Variants in ANKH observed in about 807,000 individuals in gnomAD.
ANKH encodes the protein ANKH inorganic pyrophosphate transport regulator.
ANKH carries 15 observed loss-of-function variants against 49.0 expected under a neutral mutation model. The observed-to-expected ratio is 0.31, with a 90% CI of 0.20 to 0.47. The LOEUF (loss-of-function observed/expected upper bound fraction) is 0.47, where lower values mean the gene tolerates loss of function less well. ANKH is among the 20% of genes least tolerant of loss of function. The pLI, the probability that ANKH is intolerant of heterozygous loss-of-function variation, is 1.00. For synonymous variants in ANKH, 273 were observed against 260.0 expected, an observed-to-expected ratio of 1.05 and a Z score of -0.48; for missense variants, 429 against 652.0, an observed-to-expected ratio of 0.66 and a Z score of 3.72.
rs188165497 is a variant in ANKH, at chr5:14,810,592, C to G, written c.97-41401G>C. On this transcript the variant is annotated intron_variant, in intron 1 of 11. Transcript: ENST00000284268. ...AGTTTAAAGTACCCAAGTGACATGACTAATTACAGTAACCATGAATTCAGT... is the reference window on the plus strand; with the variant it reads ...AGTTTAAAGTACCCAAGTGACATGAGTAATTACAGTAACCATGAATTCAGT... 3.4e-3 allele frequency among the ~76,000 whole-genome samples: 524 copies of G among 152,314 alleles called. 6 individuals are homozygous for G. Among genetic ancestry groups the G allele is most frequent in the African/African-American group, 0.012 (504 of 41,580 alleles).
chr5:14,860,063 C>T (rs1012509926), intron 1 of ANKH, among the ~76,000 whole-genome samples: 1 of 152,176 alleles, frequency 6.6e-6, no homozygotes, highest in South Asian at 2.1e-4. Context: ...GGAGACAGCC[C>T]AATAGGCATG....
intron 1 of ANKH, among the ~76,000 whole-genome samples, chr5:14,823,608 C>A (rs755380257): frequency 6.6e-6 from 1 of 152,178 alleles, no homozygotes; most frequent in Non-Finnish European, 1.5e-5. Flanking sequence ...CAGCCTCTTA[C>A]GCATGAGAAG....
intron 2 of ANKH, chr5:14,768,637 T>G (rs1190267018): frequency 8.5e-6 from 3 of 351,154 alleles, no homozygotes; most frequent in Non-Finnish European, 1.1e-5. Context: ...TTCTTAAGAT[T>G]TAATGACCCA....
chr5:14,732,401 G>C lies in ANKH; in HGVS notation c.1011+9426C>G, dbSNP rs934291313. Among the ~76,000 whole-genome samples the C allele has an allele frequency of 5.3e-5, 8 of 152,128 alleles. 1 individual carries two copies. The East Asian group carries it at 1.4e-3, about 26-fold the overall frequency. On this transcript the variant is annotated intron_variant, in intron 8 of 11. Transcript: ENST00000284268. ...AGGTGTGTGTAAATCTACCGATCAA[G>C]AGACTGGCTTTTAAAAAAACAACAC...
At chr5:14,804,825 C>T (rs774497905) in intron 1 of ANKH, among the ~76,000 whole-genome samples, 8 of 152,160 alleles carry the variant, frequency 5.3e-5, no homozygotes, top group Non-Finnish European at 1.0e-4. Flanking sequence ...GGATTTGGTT[C>T]TTTCTCTGGC....
chr5:14,756,444 G>A (rs1738887475), intron 3 of ANKH, among the ~76,000 whole-genome samples: 1 of 152,186 alleles, frequency 6.6e-6, no homozygotes, highest in African/African-American at 2.4e-5. Context: ...TGGGAGATGA[G>A]GAGGAAGATG....
chr5:14,745,292 A>G lies in ANKH; in HGVS notation c.915+578T>C, dbSNP rs1738496172. Among the ~76,000 whole-genome samples the G allele has an allele frequency of 6.6e-6, 1 of 152,266 alleles. No homozygotes were observed. Among genetic ancestry groups the G allele is most frequent in the Non-Finnish European group, 1.5e-5 (1 of 68,038 alleles). ...GACTTTAATTGAATGACAGCAGGAC[A>G]GTGCTGACTGGGTCACAAGTTACAG... On this transcript the variant is annotated intron_variant, in intron 7 of 11. Coordinates refer to ENST00000284268, the MANE Select transcript of ANKH (RefSeq NM_054027.6). The surrounding 1 kb of genome is among the most constrained non-coding windows in gnomAD (Gnocchi z 4.7).
At chr5:14,744,224 G>T (rs980098303) in intron 7 of ANKH, among the ~76,000 whole-genome samples, 1 of 152,232 alleles carries the variant, frequency 6.6e-6, no homozygotes, top group Non-Finnish European at 1.5e-5. Flanking sequence ...TGTGAAGCAG[G>T]AACCAAAAGC....
At chr5:14,768,728 G>A (rs1392313546) in intron 2 of ANKH, 8 of 570,562 alleles carry the variant, frequency 1.4e-5, no homozygotes, top group South Asian at 4.1e-5. Flanking sequence ...AGATGTAATC[G>A]CCTACTAATG....
chr5:14,861,193 G>A (rs1023235879), intron 1 of ANKH, among the ~76,000 whole-genome samples: 2 of 152,122 alleles, frequency 1.3e-5, no homozygotes, highest in East Asian at 1.9e-4. Flanking sequence ...ATAAATGCTC[G>A]CACAGGATGA....
intron 8 of ANKH, among the ~76,000 whole-genome samples, chr5:14,730,092 C>T (rs909652665): frequency 2.6e-5 from 4 of 152,104 alleles, no homozygotes; most frequent in Admixed American, 1.3e-4. Context: ...AGAAACAGCA[C>T]GCAAGGTGGG....
chr5:14,732,326 G>A (rs979110751), intron 8 of ANKH, among the ~76,000 whole-genome samples: 1 of 151,974 alleles, frequency 6.6e-6, no homozygotes, highest in African/African-American at 2.4e-5. Context: ...TCCCCGAGGA[G>A]AAAAATGGTT....
chr5:14,751,493 A>AATC (rs1738716883), intron 4 of ANKH, among the ~76,000 whole-genome samples: 1 of 152,214 alleles, frequency 6.6e-6, no homozygotes, highest in South Asian at 2.1e-4. Context: ...CAACTACAAA[A>AATC]ATCTTTCAAG....
At chr5:14,773,546 C>A (rs1450148822) in intron 1 of ANKH, among the ~76,000 whole-genome samples, 3 of 151,866 alleles carry the variant, frequency 2.0e-5, no homozygotes, top group Non-Finnish European at 2.9e-5. Context: ...TTTCATTTAG[C>A]CCAACAATTA....
chr5:14,797,346 T>A, intron 1 of ANKH: 1 of 1,607,612 alleles, frequency 6.2e-7, no homozygotes, highest in Non-Finnish European at 8.5e-7. Context: ...GGATTGTTCC[T>A]CTCCAATTTT....
chr5:14,835,228 A>G (rs1243317895), intron 1 of ANKH, among the ~76,000 whole-genome samples: 1 of 152,184 alleles, frequency 6.6e-6, no homozygotes, highest in Non-Finnish European at 1.5e-5. Context: ...TGGAAACCAC[A>G]TATATTTTTA....
chr5:14,796,999 T>C, intron 1 of ANKH: 1 of 1,128,300 alleles, frequency 8.9e-7, no homozygotes, highest in South Asian at 1.7e-5. Flanking sequence ...CTAATAGCAT[T>C]ATCGGTGGTA....
chr5:14,826,501 A>G (rs547220294), intron 1 of ANKH, among the ~76,000 whole-genome samples: 1 of 152,306 alleles, frequency 6.6e-6, no homozygotes, highest in South Asian at 2.1e-4. Flanking sequence ...CATCTATCAA[A>G]TGGGGATAAT....
intron 8 of ANKH, among the ~76,000 whole-genome samples, chr5:14,723,356 T>TTAA (rs1554000647): frequency 2.1e-3 from 306 of 148,854 alleles, no homozygotes; most frequent in African/African-American, 6.9e-3. Context: ...ATTCTTTTTT[T>TTAA]AAAAAAAAAA....
Sources: allele counts gnomAD v4.1 joint callset (sites outside exome capture counted in the v4.1 genomes callset), GRCh38; gene constraint gnomAD v4.1.1; non-coding constraint Gnocchi (gnomAD v3.1); transcripts MANE v1.5; gene names NCBI Gene and HGNC (gene_info 2026-07-23, HGNC 2026-07-21).